Variants in HMCN1 observed in about 807,000 individuals in gnomAD.
The protein encoded by HMCN1 is hemicentin-1.
A neutral mutation model predicts 625.9 loss-of-function variants in HMCN1; 321 were observed. The observed-to-expected ratio is 0.51, with a 90% CI of 0.47 to 0.56. HMCN1 has a LOEUF of 0.56. Ranked by LOEUF, HMCN1 falls within the 20% of genes least tolerant of loss-of-function variation. The pLI, the probability that HMCN1 is intolerant of heterozygous loss-of-function variation, is 0.00. For synonymous variants in HMCN1, 2,425 were observed against 2,417.6 expected (o/e 1.00, Z -0.09); for missense variants, 6,588 against 6,887.3 (o/e 0.96, Z 1.54).
chr1:185,757,588 C>A (rs1655213685), intron 1 of HMCN1, among the ~76,000 whole-genome samples: 3 of 152,030 alleles, frequency 2.0e-5, no homozygotes. Context: ...TTAATTTATT[C>A]AAAAACAATT....
intron 77 of HMCN1, among the ~76,000 whole-genome samples, chr1:186,118,532 C>T (rs1558236939): frequency 2.6e-5 from 4 of 152,148 alleles, no homozygotes; most frequent in Admixed American, 1.3e-4. Context: ...AAACATTTGT[C>T]TACACAAAGG....
rs750596921 is a variant in HMCN1, at chr1:185,995,065, A to G, written c.3756A>G (p.Thr1252=). 3.7e-6 allele frequency: 6 copies of G among 1,613,634 alleles called. No homozygotes were observed. The African/African-American group carries it at 6.7e-5, about 18-fold the overall frequency. ...CTAACATAGCAGGCACTGATGAAAC[A>G]GAGATAACGCTACATGTCCAAGGTG... ...VATNIAGTDE[T]EITLHVQEPP... Residue 1252 remains threonine, a synonymous_variant, in exon 24 of 107, where the codon ACA becomes ACG. Coordinates refer to ENST00000271588, the MANE Select transcript of HMCN1 (RefSeq NM_031935.3).
chr1:185,744,950 A>G (rs1488073885), intron 1 of HMCN1, among the ~76,000 whole-genome samples: 1 of 152,140 alleles, frequency 6.6e-6, no homozygotes, highest in Non-Finnish European at 1.5e-5. Context: ...ATCACAATCC[A>G]GGGGGAAACA....
chr1:185,911,853 GT>G, intron 6 of HMCN1, 73 bp downstream of exon 6: 5 of 1,139,412 alleles, frequency 4.4e-6, no homozygotes, highest in South Asian at 1.2e-5. Context: ...ATACACAATG[GT>G]TTTTTTAAAC....
chr1:185,818,446 C>T (rs187392254), intron 1 of HMCN1, among the ~76,000 whole-genome samples: 20 of 152,230 alleles, frequency 1.3e-4, no homozygotes, highest in African/African-American at 4.8e-4. Context: ...CAGATTAAGA[C>T]ACCTCAAAAC....
At chr1:185,996,839 C>A (rs1452210374) in intron 24 of HMCN1, among the ~76,000 whole-genome samples, 1 of 151,974 alleles carries the variant, frequency 6.6e-6, no homozygotes, top group Non-Finnish European at 1.5e-5. Context: ...TGACAGGGGG[C>A]ACTTAGGAAA....
chr1:186,037,046 C>T (rs190297651), intron 36 of HMCN1, among the ~76,000 whole-genome samples: 2 of 151,788 alleles, frequency 1.3e-5, no homozygotes, highest in Admixed American at 6.6e-5. Context: ...TCCTTCTTTC[C>T]CCCTTTCCTG....
intron 46 of HMCN1, among the ~76,000 whole-genome samples, chr1:186,058,745 T>C (rs530040787): frequency 1.3e-5 from 2 of 152,020 alleles, no homozygotes; most frequent in South Asian, 4.1e-4. Flanking sequence ...GGCAGTAAGC[T>C]CCCTTCACCT....
chr1:185,833,274 A>G (rs934416229), intron 1 of HMCN1, among the ~76,000 whole-genome samples: 1 of 152,150 alleles, frequency 6.6e-6, no homozygotes, highest in African/African-American at 2.4e-5. Flanking sequence ...AGTGTTCCTT[A>G]TCACTTCTAT....
chr1:185,766,926 T>G (rs1401223150), intron 1 of HMCN1, among the ~76,000 whole-genome samples: 1 of 151,378 alleles, frequency 6.6e-6, no homozygotes, highest in African/African-American at 2.4e-5. Flanking sequence ...TTTAAAGAAG[T>G]AAGGCAAGCT....
chr1:185,814,429 G>A (rs73072023), intron 1 of HMCN1, among the ~76,000 whole-genome samples: 6,296 of 152,126 alleles, frequency 0.041, 431 homozygotes, highest in African/African-American at 0.14. Context: ...CAAAGTTGAA[G>A]TCTTCTGAGA....
At chr1:185,997,308 C>A in intron 24 of HMCN1, 121 bp from the exon 25 acceptor site, 1 of 721,734 alleles carries the variant, frequency 1.4e-6, no homozygotes, top group Non-Finnish European at 2.5e-6. Flanking sequence ...AAATAGGAAT[C>A]ATATTTAAAA....
intron 16 of HMCN1, among the ~76,000 whole-genome samples, chr1:185,979,364 G>A (rs1332244623): frequency 6.6e-6 from 1 of 152,080 alleles, no homozygotes. Flanking sequence ...ACATTGAAAA[G>A]CTCAAAGAGT....
intron 1 of HMCN1, among the ~76,000 whole-genome samples, chr1:185,804,300 A>C (rs1216979409): frequency 6.6e-6 from 1 of 152,084 alleles, no homozygotes; most frequent in African/African-American, 2.4e-5. Flanking sequence ...GCTTACTGAA[A>C]CATTGACTGC....
At chr1:185,885,517 G>A (rs547545265) in intron 4 of HMCN1, among the ~76,000 whole-genome samples, 2 of 142,462 alleles carry the variant, frequency 1.4e-5, no homozygotes, top group African/African-American at 5.3e-5. Flanking sequence ...ATTTCCTGAC[G>A]TTTTTTTTTT....
chr1:186,140,751 C>T (rs1343267318), intron 89 of HMCN1, among the ~76,000 whole-genome samples: 2 of 152,056 alleles, frequency 1.3e-5, no homozygotes, highest in African/African-American at 4.8e-5. Flanking sequence ...TCTTCCATAT[C>T]TATTATTGAC....
intron 29 of HMCN1, among the ~76,000 whole-genome samples, chr1:186,005,306 T>C (rs1028329995): frequency 1.4e-5 from 2 of 146,042 alleles, no homozygotes; most frequent in Admixed American, 1.3e-4. Context: ...ATTGTTTAAA[T>C]TGTTTATAAA....
chr1:185,930,907 TACAC>T (rs3030426), intron 10 of HMCN1, among the ~76,000 whole-genome samples: 5,197 of 138,940 alleles, frequency 0.037, 199 homozygotes, highest in African/African-American at 0.099. Context: ...TTTCACCCAA[TACAC>T]ACACACACAC....
rs372180119 is a variant in HMCN1 at position 186,117,425 on chromosome 1, G to GT, written c.11684-28dup. 1,205 of 1,608,120 alleles carry GT rather than the reference G, an allele frequency of 7.5e-4. 2 individuals are homozygous for GT. The African/African-American group carries it at 0.014, about 18-fold the overall frequency. On this transcript the variant is annotated intron_variant, in intron 76 of 106. Transcript: ENST00000271588. ...AATCTTTAAGGGCTGGAAATGTGTA[G>GT]TTTTTTCCCTTTTTGTTGTTGTTGT...
Sources: allele counts gnomAD v4.1 joint callset (sites outside exome capture counted in the v4.1 genomes callset), GRCh38; gene constraint gnomAD v4.1.1; transcripts MANE v1.5; gene names NCBI Gene and HGNC (gene_info 2026-07-23, HGNC 2026-07-21).